DMD: variants seen among roughly 807,000 people sequenced by gnomAD.
DMD encodes dystrophin.
DMD carries 63 observed loss-of-function variants against 330.1 expected under a neutral mutation model. The ratio of observed to expected loss-of-function variants is 0.19; its 90% confidence interval spans 0.16 to 0.24. DMD has a LOEUF of 0.24. Ranked by LOEUF, DMD falls within the 10% of genes least tolerant of loss-of-function variation. The probability of loss-of-function intolerance (pLI) is 1.00; values close to 1 mark genes in which losing one functional copy is unlikely to be tolerated. For missense variants in DMD, 3,344 were observed against 2,684.1 expected (o/e 1.25, Z -5.43); for synonymous variants, 1,223 against 959.8 (o/e 1.27, Z -5.07).
At chrX:31,406,086 A>T (rs1477389945) in intron 60 of DMD, among the ~76,000 whole-genome samples, 1 of 112,388 alleles carries the variant, frequency 8.9e-6, no homozygotes, top group Non-Finnish European at 1.9e-5. Flanking sequence ...GCTTGAACAT[A>T]TTAATACCAA....
At chrX:32,940,989 G>A (rs1404931609) in intron 2 of DMD, among the ~76,000 whole-genome samples, 4 of 111,645 alleles carry the variant, frequency 3.6e-5, no homozygotes, top group Non-Finnish European at 7.5e-5. Flanking sequence ...AACAGGCAAA[G>A]GGCATGAACA....
At chrX:32,727,828 G>A (rs1327803841) in intron 7 of DMD, among the ~76,000 whole-genome samples, 2 of 109,128 alleles carry the variant, frequency 1.8e-5, no homozygotes, top group Non-Finnish European at 3.8e-5. Context: ...TTAGACTGCT[G>A]TAAAACATGA....
At chrX:32,455,877 A>C (rs1047284870) in intron 25 of DMD, among the ~76,000 whole-genome samples, 1 of 111,318 alleles carries the variant, frequency 9.0e-6, no homozygotes, top group Non-Finnish European at 1.9e-5. Context: ...GCATTTTTGA[A>C]AACTAAAACT....
chrX:31,834,055 A>G (rs1318977703), intron 49 of DMD, among the ~76,000 whole-genome samples: 1 of 111,457 alleles, frequency 9.0e-6, no homozygotes, highest in Non-Finnish European at 1.9e-5. Flanking sequence ...AGGTAACAAG[A>G]CCCAGAGTGA....
intron 11 of DMD, among the ~76,000 whole-genome samples, chrX:32,629,353 C>T (rs1397694306): frequency 9.0e-6 from 1 of 111,175 alleles, no homozygotes; most frequent in Non-Finnish European, 1.9e-5. Context: ...TTTTTGGTTT[C>T]GATTGGCATG....
chrX:32,497,087 A>C (rs925627457), intron 19 of DMD, among the ~76,000 whole-genome samples: 2 of 111,934 alleles, frequency 1.8e-5, no homozygotes, highest in African/African-American at 6.5e-5. Context: ...AGCCAGACTG[A>C]CCATAATCCC....
intron 1 of DMD, among the ~76,000 whole-genome samples, chrX:33,160,461 G>A (rs1481548166): frequency 2.7e-5 from 3 of 111,669 alleles, no homozygotes; most frequent in Non-Finnish European, 3.8e-5. Context: ...CAAAGGGCTG[G>A]ATTTCAGTCC....
At chrX:31,235,085 G>A (rs777026007) in intron 63 of DMD, among the ~76,000 whole-genome samples, 2 of 111,694 alleles carry the variant, frequency 1.8e-5, no homozygotes, top group East Asian at 2.8e-4. Context: ...CAGGATTCTC[G>A]CTACAGCTGG....
intron 44 of DMD, among the ~76,000 whole-genome samples, chrX:32,116,598 C>T (rs1035586759): frequency 6.0e-4 from 67 of 111,689 alleles, no homozygotes; most frequent in African/African-American, 2.1e-3. Context: ...TCAACAGATA[C>T]GGGAAGGGGC....
rs141530243 is a variant in DMD at position 32,130,559 on chromosome X, G to A, written c.6438+86357C>T. 3.6e-4 allele frequency among the ~76,000 whole-genome samples: 40 copies of A among 110,549 alleles called. No individual in the cohort carries two copies. In the East Asian group the frequency reaches 0.01, roughly 29 times the overall value. On this transcript the variant is annotated intron_variant, in intron 44 of 78. Transcript: ENST00000357033. ...CAAAAAAAGCCCAACTCTTTACAACGTCCCGGAAGACTGCACATCATCTGA... is the reference window on the plus strand; with the variant it reads ...CAAAAAAAGCCCAACTCTTTACAACATCCCGGAAGACTGCACATCATCTGA...
chrX:31,914,140 T>A (rs751520684), intron 47 of DMD, among the ~76,000 whole-genome samples: 2 of 111,876 alleles, frequency 1.8e-5, no homozygotes, highest in Admixed American at 1.9e-4. Context: ...AATGGAGTGG[T>A]GGGTATGGGG....
intron 42 of DMD, among the ~76,000 whole-genome samples, chrX:32,290,118 T>G (rs2097460411): frequency 8.9e-6 from 1 of 111,836 alleles, no homozygotes; most frequent in South Asian, 3.7e-4. Context: ...GTATAACAAC[T>G]ACATTCTTGC....
intron 7 of DMD, among the ~76,000 whole-genome samples, chrX:32,805,130 T>G (rs1414714843): frequency 9.0e-6 from 1 of 111,465 alleles, no homozygotes; most frequent in Non-Finnish European, 1.9e-5. Flanking sequence ...CGAATTGACA[T>G]AAGTAGGCTT....
intron 60 of DMD, among the ~76,000 whole-genome samples, chrX:31,349,559 G>A (rs1170555400): frequency 8.9e-6 from 1 of 112,216 alleles, no homozygotes; most frequent in African/African-American, 3.2e-5. Flanking sequence ...TATACCTTTA[G>A]GGGGCATGCA....
At chrX:32,428,582 G>A (rs895928446) in intron 29 of DMD, among the ~76,000 whole-genome samples, 1 of 111,560 alleles carries the variant, frequency 9.0e-6, no homozygotes, top group African/African-American at 3.3e-5. Flanking sequence ...TTTGCTTTAC[G>A]TGTTTTAAAG....
chrX:32,825,484 A>G (rs776408893), intron 4 of DMD, among the ~76,000 whole-genome samples: 140 of 112,027 alleles, frequency 1.2e-3, no homozygotes, highest in Middle Eastern at 4.6e-3. Flanking sequence ...ACATAATAAA[A>G]AAGTATCTAC....
intron 44 of DMD, among the ~76,000 whole-genome samples, chrX:32,086,627 G>A (rs908743190): frequency 9.0e-6 from 1 of 111,565 alleles, no homozygotes; most frequent in African/African-American, 3.3e-5. Flanking sequence ...GATGCTTTAG[G>A]AGTATAAAGA....
chrX:32,595,988 T>C, intron 12 of DMD, 112 bp from the exon 13 acceptor site: 1 of 698,124 alleles, frequency 1.4e-6, no homozygotes. Context: ...GGTACTCCCA[T>C]TTTTTATTAA....
rs929749175 is a variant in DMD at position 31,954,918 on chromosome X, G to A, written c.6614+13421C>T. On this transcript the variant is annotated intron_variant, in intron 45 of 78. Coordinates refer to ENST00000357033, the MANE Select transcript of DMD (RefSeq NM_004006.3). ...ACATTGGCTCATGCCTGTAATCCCC[G>A]CACTTTGGGAGGCTGAGGTGGGTGG... Among the ~76,000 whole-genome samples the A allele has an allele frequency of 6.6e-5, 7 of 106,757 alleles. No individual in the cohort carries two copies. In the East Asian group the frequency reaches 8.8e-4, roughly 13 times the overall value. The allele number at this position is 106,757 out of a possible 115,157, so 92.7% of individuals were successfully genotyped here.
Sources: gnomAD v4.1 joint callset for allele counts (sites outside exome capture counted in the v4.1 genomes callset) on GRCh38, gnomAD v4.1.1 for gene constraint, MANE v1.5 for transcripts, NCBI Gene and HGNC (gene_info 2026-07-23, HGNC 2026-07-21) for gene names.